FAM83E: variants seen among roughly 807,000 people sequenced by gnomAD.
FAM83E encodes the protein protein FAM83E.
A neutral mutation model predicts 34.3 loss-of-function variants in FAM83E; 29 were observed. The ratio of observed to expected loss-of-function variants is 0.85; its 90% CI spans 0.63 to 1.15. FAM83E has a LOEUF of 1.15. Among genes scored for constraint, FAM83E ranks in the 50% most tolerant of loss-of-function variants. The probability of loss-of-function intolerance (pLI) is 0.00; values close to 1 mark genes in which losing one functional copy is unlikely to be tolerated. For synonymous variants in FAM83E, 312 were observed against 311.6 expected, an observed-to-expected ratio of 1.00 and a Z score of -0.01; for missense variants, 697 against 685.0, an observed-to-expected ratio of 1.02 and a Z score of -0.20.
chr19:48,606,913 A>G, intron 5 of FAM83E: 1 of 1,553,668 alleles, frequency 6.4e-7, no homozygotes. Flanking sequence ...TCCTTCATTC[A>G]GCGGTTCCGG....
chr19:48,604,283 A>T (rs890361062), intron 5 of FAM83E, among the ~76,000 whole-genome samples: 1 of 145,272 alleles, frequency 6.9e-6, no homozygotes, highest in Non-Finnish European at 1.5e-5. Flanking sequence ...ACTCCCAGCC[A>T]CTTGGGAGAC....
intron 3 of FAM83E, among the ~76,000 whole-genome samples, chr19:48,612,100 C>T (rs1245483351): frequency 2.0e-5 from 3 of 152,204 alleles, no homozygotes; most frequent in East Asian, 1.9e-4. Flanking sequence ...TAACCGCCCC[C>T]GTGCCTCCGT....
rs1974107946 is a variant in FAM83E at position 48,614,454 on chromosome 19, C to T, written c.-1082G>A. On this transcript the variant is annotated 5_prime_UTR_variant, in exon 3 of 7. Coordinates refer to ENST00000263266, the MANE Select transcript of FAM83E (RefSeq NM_017708.4). Reference sequence around the variant, plus strand: ...CTGCCAGCTACCCGGACGCTTCTTCCCGGACAGGGGCCAGTCTCTATCTCG... The same window carrying T: ...CTGCCAGCTACCCGGACGCTTCTTCTCGGACAGGGGCCAGTCTCTATCTCG... 1.0e-6 allele frequency: 1 copy of T among 985,666 alleles called. No individual in the cohort carries two copies. Among genetic ancestry groups the T allele is most frequent in the Non-Finnish European group, 1.2e-6 (1 of 830,144 alleles). The allele number at this position is 985,666 out of a possible 1,614,324, so 61.1% of individuals were successfully genotyped here. A position where few individuals can be genotyped will look rare whatever the true frequency, so the allele number is the denominator to read the frequency against.
rs1475493817 is a variant in FAM83E, at chr19:48,614,702, G to A, written c.-1256+6C>T. 6.6e-6 allele frequency: 6 copies of A among 902,792 alleles called. No homozygotes were observed. The highest frequency in any genetic ancestry group is 1.3e-4 in the East Asian group (1 of 7,534). 55.9% of individuals were successfully genotyped at this position (902,792 alleles called of 1,614,324 possible). A position where few individuals can be genotyped will look rare whatever the true frequency, so the allele number is the denominator to read the frequency against. On this transcript the variant is annotated splice_donor_region_variant and intron_variant, in intron 2 of 6. Transcript: ENST00000263266. The stretch of plus-strand genomic sequence containing the variant: ...CTCACCCATCCCCCCCATCGCCGGG[G>A]CTCACCCACACCGGCTAGTGCCGGG...
In FAM83E at chr19:48,606,049, G is replaced by A. The variant is rs140083788; in HGVS notation, c.759-2138C>T. Among the ~76,000 whole-genome samples the A allele has an allele frequency of 1.5e-3, 226 of 151,534 alleles. 1 individual carries two copies. Among genetic ancestry groups the A allele is most frequent in the Middle Eastern group, 3.4e-3 (1 of 294 alleles). On this transcript the variant is annotated intron_variant, in intron 5 of 6. Transcript: ENST00000263266. ...TGCCAGGCGTGGTGTGGTGGCTCACGTCTGTAATCCCAGCACTTTGGGAGG... is the reference window on the plus strand; with the variant it reads ...TGCCAGGCGTGGTGTGGTGGCTCACATCTGTAATCCCAGCACTTTGGGAGG...
chr19:48,600,007 T>C lies in FAM83E; in HGVS notation c.*1102A>G, dbSNP rs1973786318. ...ATTCCGAGCAGAGGTAAACGGGAGC[T>C]CCGGCAGACCCGCCCTCTCAGCGCC... is the stretch of plus-strand genomic sequence containing the variant. On this transcript the variant is annotated 3_prime_UTR_variant, in exon 7 of 7. Transcript: ENST00000263266. Among the ~76,000 whole-genome samples, 5 of 152,144 alleles carry C rather than the reference T, an allele frequency of 3.3e-5. No individual in the cohort carries two copies. Among genetic ancestry groups the C allele is most frequent in the Admixed American group, 2.6e-4 (4 of 15,272 alleles).
At chr19:48,607,461 C>G in intron 5 of FAM83E, 1 of 1,405,610 alleles carries the variant, frequency 7.1e-7, no homozygotes. Flanking sequence ...CAACCTCTTG[C>G]GGCCCTGGCT....
At chr19:48,601,458 G>C in intron 6 of FAM83E, 89 bp from the exon 7 acceptor site, 1 of 1,503,512 alleles carries the variant, frequency 6.7e-7, no homozygotes, top group African/African-American at 1.4e-5. Context: ...GGTGAGGCAA[G>C]AGAGAAGCAG....
intron 3 of FAM83E, among the ~76,000 whole-genome samples, chr19:48,612,585 G>C (rs944270998): frequency 1.3e-5 from 2 of 152,030 alleles, no homozygotes; most frequent in African/African-American, 4.8e-5. Context: ...TGTATTTTTA[G>C]TACAGACGGG....
chr19:48,600,950 G>T lies in FAM83E; in HGVS notation c.*159C>A. 1 of 1,431,304 alleles carries T rather than the reference G, an allele frequency of 7.0e-7. No individual in the cohort carries two copies. Among genetic ancestry groups the T allele is most frequent in the Non-Finnish European group, 9.1e-7 (1 of 1,096,470 alleles). The allele number at this position is 1,431,304 out of a possible 1,614,324, so 88.7% of individuals were successfully genotyped here. A position where few individuals can be genotyped will look rare whatever the true frequency, so the allele number is the denominator to read the frequency against. On this transcript the variant is annotated 3_prime_UTR_variant, in exon 7 of 7. Coordinates refer to ENST00000263266, the MANE Select transcript of FAM83E (RefSeq NM_017708.4). ...TTACAGGCATGAGCCACCACTCCCG[G>T]CCCAAGTTGCAGAACAAGTGACAAA...
At chr19:48,602,564 G>A (rs936421741) in intron 6 of FAM83E, among the ~76,000 whole-genome samples, 1 of 149,936 alleles carries the variant, frequency 6.7e-6, no homozygotes, top group Admixed American at 6.7e-5. Flanking sequence ...TCAGGACCAG[G>A]TGAAGGTAAG....
chr19:48,602,076 A>C (rs915330349), intron 6 of FAM83E, among the ~76,000 whole-genome samples: 2 of 134,650 alleles, frequency 1.5e-5, no homozygotes, highest in African/African-American at 5.6e-5. Context: ...CAGGAGGTTG[A>C]GGCTGCAGTG....
rs59566152 is a variant in FAM83E, at chr19:48,611,031, G to A, written c.466-184C>T. Among the ~76,000 whole-genome samples, 16 of 152,200 alleles carry A rather than the reference G, an allele frequency of 1.1e-4. No individual in the cohort carries two copies. The South Asian group carries it at 2.9e-3, about 28-fold the overall frequency. The stretch of plus-strand genomic sequence containing the variant: ...ACACTGCTGCTCAAACAGCACCTAC[G>A]TGTGAATGAGCAAAACGCTGCCCCT... On this transcript the variant is annotated intron_variant, in intron 3 of 6. Transcript: ENST00000263266.
intron 5 of FAM83E, chr19:48,607,499 A>G: frequency 8.8e-7 from 1 of 1,139,518 alleles, no homozygotes; most frequent in Non-Finnish European, 1.2e-6. Context: ...GTCCACCAGG[A>G]GCCCGGTGCT....
chr19:48,602,699 AAAAAAATATATATATATATATAT>A (rs1476294183), intron 6 of FAM83E, among the ~76,000 whole-genome samples: 5 of 40,352 alleles, frequency 1.2e-4, no homozygotes, highest in African/African-American at 5.9e-4. Flanking sequence ...AAAAAAAAAA[AAAAAAATATATATATATATATAT>A]ATATATATAT....
In FAM83E at chr19:48,609,979, G is replaced by T; in HGVS notation, c.655C>A (p.Arg219=). 1 of 1,612,430 alleles carries T rather than the reference G, an allele frequency of 6.2e-7. No individual in the cohort carries two copies. Among genetic ancestry groups the T allele is most frequent in the South Asian group, 1.1e-5 (1 of 91,052 alleles). Residue 219 remains arginine (R), a synonymous_variant, in exon 5 of 7, where the codon CGG becomes AGG. Transcript: ENST00000263266. ...NTENVDVRVV[R]GCSFQSRWRR... ...CAGCGGCTCTGGAAGCTGCAGCCCC[G>T]CACGACACGGACATCCACGTTCTGT...
chr19:48,610,398 C>CAA (rs71179016), intron 4 of FAM83E, among the ~76,000 whole-genome samples: 2,197 of 31,306 alleles, frequency 0.07, 444 homozygotes, highest in East Asian at 0.25. Context: ...CACTCCGTCT[C>CAA]AAAAAAAAAA....
intron 5 of FAM83E, among the ~76,000 whole-genome samples, chr19:48,608,038 C>T (rs1166968990): frequency 6.6e-6 from 1 of 152,202 alleles, no homozygotes; most frequent in African/African-American, 2.4e-5. Context: ...GTGGGAACTT[C>T]CTGAAAATGC....
In FAM83E at chr19:48,614,254, G is replaced by C; in HGVS notation, c.-882C>G. 2 of 985,504 alleles carry C rather than the reference G, an allele frequency of 2.0e-6. No homozygotes were observed. The highest frequency in any genetic ancestry group is 2.4e-6 in the Non-Finnish European group (2 of 829,998). 61.0% of individuals were successfully genotyped at this position (985,504 alleles called of 1,614,324 possible). On this transcript the variant is annotated 5_prime_UTR_variant, in exon 3 of 7. Transcript: ENST00000263266. The stretch of plus-strand genomic sequence containing the variant: ...CAGGGGTCTCCATTACTATGGGACA[G>C]GTCTATGATCTTCACAGCCCATCTA...
Sources: allele counts gnomAD v4.1 joint callset (sites outside exome capture counted in the v4.1 genomes callset), GRCh38; gene constraint gnomAD v4.1.1; transcripts MANE v1.5; gene names NCBI Gene and HGNC (gene_info 2026-07-23, HGNC 2026-07-21).